The following FAM168B variants were observed in gnomAD, a reference collection of about 807,000 sequenced individuals.
The protein encoded by FAM168B is family with sequence similarity 168 member B.
Under a neutral mutation model 21.8 loss-of-function variants are expected in FAM168B, and 19 were observed. The observed-to-expected ratio is 0.87, with a 90% CI of 0.61 to 1.28. FAM168B has a LOEUF of 1.28. Among genes scored for constraint, FAM168B ranks in the 50% most tolerant of loss-of-function variants. The pLI, the probability that FAM168B is intolerant of heterozygous loss-of-function variation, is 0.00. For missense variants in FAM168B, 233 were observed against 263.1 expected (o/e 0.89, Z 0.79); for synonymous variants, 126 against 104.8 (o/e 1.20, Z -1.24).
intron 3 of FAM168B, 98 bp from the exon 4 acceptor site, chr2:131,055,793 C>T (rs1691991031): frequency 4.8e-6 from 7 of 1,449,794 alleles, no homozygotes; most frequent in Admixed American, 2.2e-5. Flanking sequence ...GTCAGCCCCA[C>T]GCAACTCGCC....
At chr2:131,090,832 C>T (rs1430308292) in intron 1 of FAM168B, among the ~76,000 whole-genome samples, 1 of 152,116 alleles carries the variant, frequency 6.6e-6, no homozygotes, top group African/African-American at 2.4e-5. Flanking sequence ...GGGTTCACAC[C>T]ATTCTCCTGC....
intron 2 of FAM168B, among the ~76,000 whole-genome samples, chr2:131,081,278 G>C (rs145105886): frequency 4.7e-4 from 72 of 152,306 alleles, no homozygotes; most frequent in African/African-American, 1.5e-3. Flanking sequence ...TTCTCCTGCA[G>C]TCTGTCATGG....
chr2:131,087,688 C>T (rs1016245228), intron 1 of FAM168B, among the ~76,000 whole-genome samples: 2 of 152,096 alleles, frequency 1.3e-5, no homozygotes, highest in Non-Finnish European at 2.9e-5. Flanking sequence ...TAAATACAGG[C>T]CTGAGTGGAG....
At chr2:131,087,268 A>G (rs556917606) in intron 1 of FAM168B, among the ~76,000 whole-genome samples, 1 of 152,194 alleles carries the variant, frequency 6.6e-6, no homozygotes, top group African/African-American at 2.4e-5. Context: ...CAGGAGTTGG[A>G]GACCAGCCTA....
chr2:131,069,484 GTTTC>G (rs1302352245), intron 3 of FAM168B, among the ~76,000 whole-genome samples: 5 of 152,026 alleles, frequency 3.3e-5, no homozygotes, highest in African/African-American at 1.2e-4. Flanking sequence ...GGTTACACAG[GTTTC>G]TTTCTCTTTT....
At chr2:131,076,915 T>C (rs568030120) in intron 2 of FAM168B, among the ~76,000 whole-genome samples, 1 of 141,910 alleles carries the variant, frequency 7.0e-6, no homozygotes, top group South Asian at 2.1e-4. Flanking sequence ...CTAGCAGAAA[T>C]CCAGAAGCTG....
chr2:131,052,520 G>C, intron 6 of FAM168B, 68 bp from the exon 7 acceptor site: 1 of 1,006,368 alleles, frequency 9.9e-7, no homozygotes, highest in South Asian at 3.6e-5. Flanking sequence ...AAAATCTCAA[G>C]TAGGATGAGG....
rs911535316 is a variant in FAM168B at position 131,050,827 on chromosome 2, C to T, written c.*1638G>A. 9.1e-6 allele frequency: 9 copies of T among 985,298 alleles called. No individual in the cohort carries two copies. In the African/African-American group the frequency reaches 1.4e-4, roughly 15 times the overall value. 61.0% of individuals were successfully genotyped at this position (985,298 alleles called of 1,614,324 possible). On this transcript the variant is annotated 3_prime_UTR_variant, in exon 7 of 7. Transcript: ENST00000389915. ...AAGAGGAGCAGAGCCCCCTCCCCAC[C>T]AGAGCCCACAGCACTCAAACCACCA...
intron 2 of FAM168B, among the ~76,000 whole-genome samples, chr2:131,074,801 G>A (rs1324578310): frequency 2.6e-5 from 4 of 152,202 alleles, no homozygotes; most frequent in Admixed American, 6.5e-5. Flanking sequence ...AGCTCCTCAC[G>A]TGCCTCCCTT....
chr2:131,058,417 C>G (rs1692132101), intron 3 of FAM168B, among the ~76,000 whole-genome samples: 1 of 152,186 alleles, frequency 6.6e-6, no homozygotes, highest in Admixed American at 6.5e-5. Flanking sequence ...GACCAAACAA[C>G]AGGTGGTCCT....
chr2:131,050,721 C>T lies in FAM168B; in HGVS notation c.*1744G>A, dbSNP rs149916701. ...TACCAAAGGCTCAGTGGTCAGGTGT[C>T]CCCCCACCAACCAACTGGGGCAGAA... On this transcript the variant is annotated 3_prime_UTR_variant, in exon 7 of 7. Coordinates refer to ENST00000389915, the MANE Select transcript of FAM168B (RefSeq NM_001009993.4). 8 of 984,684 alleles carry T rather than the reference C, an allele frequency of 8.1e-6. 1 individual carries two copies. In the East Asian group the frequency reaches 6.8e-4, roughly 84 times the overall value. The allele number at this position is 984,684 out of a possible 1,614,324, so 61.0% of individuals were successfully genotyped here.
At chr2:131,069,916 T>C (rs1692786994) in intron 3 of FAM168B, among the ~76,000 whole-genome samples, 1 of 152,060 alleles carries the variant, frequency 6.6e-6, no homozygotes, top group African/African-American at 2.4e-5. Context: ...TGGAATGCTA[T>C]GGCACGATCT....
chr2:131,091,296 T>G (rs1348170193), intron 1 of FAM168B, among the ~76,000 whole-genome samples: 72 of 141,344 alleles, frequency 5.1e-4, no homozygotes, highest in Middle Eastern at 5.4e-3. Flanking sequence ...CCGAGATCAC[T>G]CCACTGCACT....
At position 131,052,978 on chromosome 2, in the gene FAM168B, G is replaced by C; in HGVS notation, c.513C>G (p.Ala171=). ...ACGTGGGCACAGTGACCGGGTGGGGGGCGACAGGAGTTGGGGAGTGAGCAG... is the reference window on the plus strand; with the variant it reads ...ACGTGGGCACAGTGACCGGGTGGGGCGCGACAGGAGTTGGGGAGTGAGCAG... ...LLTAHSPTPV[A]PHPVTVPTYR... The change falls in exon 6 of 7, where the codon GCC becomes GCG. Residue 171 remains alanine, a synonymous_variant. Transcript: ENST00000389915. 6.4e-7 allele frequency: 1 copy of C among 1,558,514 alleles called. No homozygotes were observed. The highest frequency in any genetic ancestry group is 8.7e-7 in the Non-Finnish European group (1 of 1,150,846).
At chr2:131,083,193 A>G (rs1693506795) in intron 1 of FAM168B, among the ~76,000 whole-genome samples, 1 of 152,158 alleles carries the variant, frequency 6.6e-6, no homozygotes. Context: ...GTCTCTACTA[A>G]AAATACAAAA....
intron 3 of FAM168B, among the ~76,000 whole-genome samples, chr2:131,059,786 T>C (rs1309329952): frequency 1.3e-5 from 2 of 152,178 alleles, no homozygotes; most frequent in Admixed American, 6.5e-5. Context: ...ATCTCAGTAG[T>C]GATAAAAAAA....
chr2:131,049,951 C>T lies in FAM168B; in HGVS notation c.*2514G>A. On this transcript the variant is annotated 3_prime_UTR_variant, in exon 7 of 7. Transcript: ENST00000389915. ...CTATTTCCTAAGTCCAGATTCTTACCTGATATCTACCTTTCGTATCTGACA... is the reference window on the plus strand; with the variant it reads ...CTATTTCCTAAGTCCAGATTCTTACTTGATATCTACCTTTCGTATCTGACA... 1 of 985,496 alleles carries T rather than the reference C, an allele frequency of 1.0e-6. No individual in the cohort carries two copies. Among genetic ancestry groups the T allele is most frequent in the Non-Finnish European group, 1.2e-6 (1 of 829,946 alleles). 61.0% of individuals were successfully genotyped at this position (985,496 alleles called of 1,614,324 possible). A position where few individuals can be genotyped will look rare whatever the true frequency, so the allele number is the denominator to read the frequency against.
At chr2:131,089,480 C>A (rs995741830) in intron 1 of FAM168B, among the ~76,000 whole-genome samples, 11 of 151,586 alleles carry the variant, frequency 7.3e-5, no homozygotes, top group African/African-American at 2.7e-4. Flanking sequence ...CGCCTGTAAT[C>A]CCAGCACTTT....
In FAM168B at chr2:131,051,863, A is replaced by T. The variant is rs3814393; in HGVS notation, c.*602T>A. 75,143 of 985,198 alleles carry T rather than the reference A, an allele frequency of 0.076. 3,094 individuals are homozygous for T. The highest frequency in any genetic ancestry group is 0.14 in the East Asian group (1,266 of 8,788). The allele number at this position is 985,198 out of a possible 1,614,324, so 61.0% of individuals were successfully genotyped here. ...CTGTGGCTTCCCTACTCTCTCCCAA[A>T]CCTCGCAACTCCCTCCCAGGACAGT... is the stretch of plus-strand genomic sequence containing the variant. On this transcript the variant is annotated 3_prime_UTR_variant, in exon 7 of 7. Coordinates refer to ENST00000389915, the MANE Select transcript of FAM168B (RefSeq NM_001009993.4).
Sources: gnomAD v4.1 joint callset for allele counts (sites outside exome capture counted in the v4.1 genomes callset) on GRCh38, gnomAD v4.1.1 for gene constraint, MANE v1.5 for transcripts, NCBI Gene and HGNC (gene_info 2026-07-23, HGNC 2026-07-21) for gene names.